Variants in ZNF362 observed in about 807,000 individuals in gnomAD.
ZNF362 encodes rotund homolog.
In ZNF362, 11 loss-of-function variants were observed where a neutral mutation model predicts 42.9. That is an observed-to-expected ratio of 0.26 (90% confidence interval 0.16 to 0.42). ZNF362 has a LOEUF of 0.42. Among genes scored for constraint, ZNF362 ranks in the 20% least tolerant of loss-of-function variants. ZNF362 has a pLI of 1.00. For synonymous variants in ZNF362, 255 were observed against 257.3 expected (o/e 0.99, Z 0.09); for missense variants, 362 against 576.2 (o/e 0.63, Z 3.81).
intron 6 of ZNF362, among the ~76,000 whole-genome samples, chr1:33,287,792 G>T (rs932804296): frequency 6.6e-6 from 1 of 152,110 alleles, no homozygotes; most frequent in African/African-American, 2.4e-5. Context: ...CCTGCTTAAG[G>T]TGTTTTAATA....
the ZNF362 span, among the ~76,000 whole-genome samples, chr1:33,136,113 C>CCCTTCCTTCCTTCCTTCCTT: frequency 7.0e-4 from 72 of 103,564 alleles, 1 homozygote; most frequent in East Asian, 1.1e-3. Flanking sequence ...CAGGGGCCAG[C>CCCTTCCTTCCTTCCTTCCTT]CCTTCCTTCC....
chr1:33,291,012 G>A (rs920880231), intron 6 of ZNF362, among the ~76,000 whole-genome samples: 3 of 152,138 alleles, frequency 2.0e-5, no homozygotes, highest in Non-Finnish European at 2.9e-5. Context: ...CATTCTGTAG[G>A]TTGCCTGTTC....
At chr1:33,189,634 CATAT>C in the ZNF362 span, among the ~76,000 whole-genome samples, 262 of 55,498 alleles carry the variant, frequency 4.7e-3, 1 homozygote, top group African/African-American at 0.01. Context: ...CACATTCCAG[CATAT>C]ATATATATAT....
At chr1:33,247,531 TC>T in the ZNF362 span, among the ~76,000 whole-genome samples, 1 of 152,344 alleles carries the variant, frequency 6.6e-6, no homozygotes, top group South Asian at 2.1e-4. Flanking sequence ...GGCATTCAAT[TC>T]CTGGCAAAAG....
chr1:33,204,865 T>C, the ZNF362 span, among the ~76,000 whole-genome samples: 1 of 152,212 alleles, frequency 6.6e-6, no homozygotes, highest in Admixed American at 6.5e-5. Context: ...TATTTCTATA[T>C]ATTAGCAACA....
chr1:33,298,402 T>C (rs1275543905), intron 8 of ZNF362, among the ~76,000 whole-genome samples: 1 of 152,182 alleles, frequency 6.6e-6, no homozygotes, highest in African/African-American at 2.4e-5. Flanking sequence ...CTTCAACCCT[T>C]ACTCCATGCT....
chr1:33,196,011 T>C, the ZNF362 span: 2 of 152,220 alleles, frequency 1.3e-5, no homozygotes, highest in African/African-American at 4.8e-5. Context: ...TTTCTTTATA[T>C]CCTTATTCTA....
chr1:33,272,468 C>T (rs1031680248), intron 2 of ZNF362, among the ~76,000 whole-genome samples: 4 of 152,032 alleles, frequency 2.6e-5, no homozygotes, highest in African/African-American at 4.8e-5. Context: ...AGGGGCGTTT[C>T]GTTCATCCGC....
At chr1:33,191,042 A>G in the ZNF362 span, among the ~76,000 whole-genome samples, 12 of 152,048 alleles carry the variant, frequency 7.9e-5, no homozygotes, top group African/African-American at 2.9e-4. Context: ...GTTTCTTGGA[A>G]CTTCTCTTGT....
chr1:33,210,371 C>G, the ZNF362 span, among the ~76,000 whole-genome samples: 2 of 152,060 alleles, frequency 1.3e-5, no homozygotes, highest in African/African-American at 4.8e-5. Flanking sequence ...AGAATAAGTG[C>G]AATGTGGTGC....
At chr1:33,243,137 T>G in the ZNF362 span, among the ~76,000 whole-genome samples, 15 of 151,530 alleles carry the variant, frequency 9.9e-5, no homozygotes, top group South Asian at 4.2e-4. Flanking sequence ...TGTTATGTTA[T>G]GTTATGTTAT....
At chr1:33,130,407 C>G in the ZNF362 span, among the ~76,000 whole-genome samples, 1 of 152,246 alleles carries the variant, frequency 6.6e-6, no homozygotes, top group Admixed American at 6.5e-5. Flanking sequence ...TTCTCTTGCT[C>G]TCTTGCTCAC....
Position 33,266,573 on chromosome 1 carries a change from G to A in ZNF362, c.-88-3914G>A, listed in dbSNP as rs1158931020. On this transcript the variant is annotated intron_variant, in intron 1 of 8. Coordinates refer to ENST00000539719, the MANE Select transcript of ZNF362 (RefSeq NM_152493.3). The surrounding 1 kb of genome is among the most constrained non-coding windows in gnomAD (Gnocchi z 4.3). ...GGAGGGAAGACCTGGGTGAGCTGTG[G>A]GGCTATGTTGGGGTAGGGGTTGTAA... Among the ~76,000 whole-genome samples, 1 of 152,236 alleles carries A rather than the reference G, an allele frequency of 6.6e-6. No individual in the cohort carries two copies. The highest frequency in any genetic ancestry group is 1.5e-5 in the Non-Finnish European group (1 of 68,038).
intron 1 of ZNF362, 61 bp downstream of exon 1, chr1:33,256,715 G>A (rs1353952975): frequency 1.4e-5 from 2 of 145,774 alleles, no homozygotes; most frequent in African/African-American, 2.5e-5. Context: ...CCTGCCCGCG[G>A]GAAAGTTGCG....
chr1:33,256,425 C>T (rs2148052809), upstream of ZNF362: 1 of 142,020 alleles, frequency 7.0e-6, no homozygotes, highest in Non-Finnish European at 1.5e-5. Context: ...GCACTGGGGG[C>T]CGCGCGGCGC....
chr1:33,213,128 T>C, the ZNF362 span, among the ~76,000 whole-genome samples: 2 of 152,200 alleles, frequency 1.3e-5, no homozygotes, highest in Admixed American at 6.5e-5. Flanking sequence ...ATTATACTAT[T>C]CATATAAATT....
At chr1:33,193,004 C>CACACACACACATATATATATATAT in the ZNF362 span, among the ~76,000 whole-genome samples, 2,058 of 136,928 alleles carry the variant, frequency 0.015, 21 homozygotes, top group Non-Finnish European at 0.022. Context: ...CACACACACA[C>CACACACACACATATATATATATAT]ATATATATAT....
the ZNF362 span, among the ~76,000 whole-genome samples, chr1:33,238,276 A>G: frequency 1.2e-3 from 181 of 150,696 alleles, no homozygotes; most frequent in African/African-American, 4.2e-3. Context: ...CTGAGATCGC[A>G]CCACTGCACG....
the ZNF362 span, among the ~76,000 whole-genome samples, chr1:33,213,854 A>G: frequency 3.1e-3 from 474 of 152,166 alleles, 1 homozygote; most frequent in Middle Eastern, 0.01. Context: ...AAAAAAACCA[A>G]AGCAAACCAA....
Sources: allele counts gnomAD v4.1 joint callset (sites outside exome capture counted in the v4.1 genomes callset), GRCh38; gene constraint gnomAD v4.1.1; non-coding constraint Gnocchi (gnomAD v3.1); transcripts MANE v1.5; gene names NCBI Gene and HGNC (gene_info 2026-07-23, HGNC 2026-07-21).